EPB41: variants seen among roughly 807,000 people sequenced by gnomAD.
EPB41 encodes the protein erythrocyte membrane protein band 4.1, also known as protein 4.1.
Under a neutral mutation model 108.0 loss-of-function variants are expected in EPB41, and 65 were observed. That is an observed-to-expected ratio of 0.60 (90% CI 0.49 to 0.74). The LOEUF is 0.74. Ranked by LOEUF, EPB41 falls within the 30% of genes least tolerant of loss-of-function variation. The pLI is 0.00. For missense variants in EPB41, 875 were observed against 1,037.0 expected, an observed-to-expected ratio of 0.84 and a Z score of 2.15; for synonymous variants, 336 against 358.9, an observed-to-expected ratio of 0.94 and a Z score of 0.72.
chr1:29,113,400 G>A (rs1040143767), intron 19 of EPB41, among the ~76,000 whole-genome samples: 1 of 152,250 alleles, frequency 6.6e-6, no homozygotes, highest in Non-Finnish European at 1.5e-5. Flanking sequence ...TGGAGGCAGG[G>A]TTGAGAGTTA....
intron 1 of EPB41, among the ~76,000 whole-genome samples, chr1:28,919,301 C>G (rs935481166): frequency 6.6e-6 from 1 of 152,150 alleles, no homozygotes; most frequent in Non-Finnish European, 1.5e-5. Context: ...CAGTATAATT[C>G]AAGGAGTAGC....
At chr1:29,102,578 A>T (rs910117011) in intron 17 of EPB41, among the ~76,000 whole-genome samples, 4 of 151,678 alleles carry the variant, frequency 2.6e-5, no homozygotes, top group East Asian at 1.9e-4. Context: ...TAGCCAAAAA[A>T]TTTTATTTTA....
chr1:29,082,770 T>G (rs1363505124), intron 16 of EPB41, among the ~76,000 whole-genome samples: 1 of 152,190 alleles, frequency 6.6e-6, no homozygotes, highest in East Asian at 1.9e-4. Flanking sequence ...GAGTGCAGTG[T>G]AAAGGCAAAA....
Position 28,955,677 on chromosome 1 carries a change from G to A in EPB41, c.-7-31754G>A, listed in dbSNP as rs563298351. 6.6e-5 allele frequency among the ~76,000 whole-genome samples: 10 copies of A among 152,064 alleles called. No homozygotes were observed. The East Asian group carries it at 9.7e-4, about 15-fold the overall frequency. On this transcript the variant is annotated intron_variant, in intron 1 of 20. Coordinates refer to ENST00000343067, the MANE Select transcript of EPB41 (RefSeq NM_001376013.1). ...CTATTTTTCTACTTGACTGTCCTCC[G>A]TTTACTGAGTGGGTATAGGTGGGAA...
chr1:29,101,731 C>G (rs1665479580), intron 17 of EPB41, among the ~76,000 whole-genome samples: 1 of 151,836 alleles, frequency 6.6e-6, no homozygotes. Flanking sequence ...TCGATACTAA[C>G]AAAGTGGCAT....
intron 1 of EPB41, among the ~76,000 whole-genome samples, chr1:28,944,246 A>G (rs1472621928): frequency 6.6e-6 from 1 of 152,154 alleles, no homozygotes; most frequent in African/African-American, 2.4e-5. Flanking sequence ...GAGGAGAGGA[A>G]GATGAGGATG....
chr1:28,984,660 G>GTTT (rs57968199), intron 1 of EPB41, among the ~76,000 whole-genome samples: 1 of 141,700 alleles, frequency 7.1e-6, no homozygotes. Context: ...AAAAACTTAG[G>GTTT]TTTTTTTTTT....
Position 29,035,860 on chromosome 1 carries a change from T to C in EPB41, c.1400T>C (p.Leu467Pro). 2 of 1,614,110 alleles carry C rather than the reference T, an allele frequency of 1.2e-6. No homozygotes were observed. Among genetic ancestry groups the C allele is most frequent in the Non-Finnish European group, 1.7e-6 (2 of 1,179,980 alleles). The change falls in exon 10 of 21, where the codon CTT becomes CCT. Residue 467 changes from leucine to proline, a missense_variant. Around this residue, in one of 3 missense-constraint regions of EPB41, gnomAD observed 519 missense variants for 627.3 expected, o/e 0.83. Coordinates refer to ENST00000343067, the MANE Select transcript of EPB41 (RefSeq NM_001376013.1). ...TATGAAAGTACCATCGGATTCAAAC[T>C]TCCCAGTTACCGAGCAGCTAAGAAA... The part of the protein sequence containing the change: ...EQYESTIGFK[L>P]PSYRAAKKLW...
intron 16 of EPB41, among the ~76,000 whole-genome samples, chr1:29,085,554 C>T (rs1658487032): frequency 6.6e-6 from 1 of 152,108 alleles, no homozygotes; most frequent in Admixed American, 6.6e-5. Context: ...TTCTTTTCCA[C>T]CAGTTATACA....
At chr1:29,001,822 G>A (rs2096298756) in intron 4 of EPB41, among the ~76,000 whole-genome samples, 1 of 152,094 alleles carries the variant, frequency 6.6e-6, no homozygotes, top group South Asian at 2.1e-4. Flanking sequence ...ACGAAGTTGA[G>A]AGTTTACAAT....
chr1:29,023,231 G>T (rs2096669801), intron 7 of EPB41, among the ~76,000 whole-genome samples: 1 of 151,752 alleles, frequency 6.6e-6, no homozygotes, highest in South Asian at 2.1e-4. Context: ...CTGACCTCAG[G>T]TGATCTGCCT....
chr1:29,055,023 G>A (rs1645132744), intron 12 of EPB41, among the ~76,000 whole-genome samples: 1 of 152,052 alleles, frequency 6.6e-6, no homozygotes. Context: ...GAGTGACAGA[G>A]CAAGACTCCG....
chr1:28,905,109 G>C (rs999597171), intron 1 of EPB41, among the ~76,000 whole-genome samples: 8 of 151,574 alleles, frequency 5.3e-5, no homozygotes, highest in Non-Finnish European at 1.0e-4. Context: ...TGAGGCATGA[G>C]ACTAGCTAGA....
intron 1 of EPB41, among the ~76,000 whole-genome samples, chr1:28,905,182 G>C (rs931364293): frequency 6.6e-6 from 1 of 151,376 alleles, no homozygotes; most frequent in East Asian, 2.0e-4. Context: ...CGGGGCGACA[G>C]AGCAAGACTA....
At chr1:29,022,961 A>G (rs1310254568) in intron 7 of EPB41, among the ~76,000 whole-genome samples, 1 of 151,972 alleles carries the variant, frequency 6.6e-6, no homozygotes, top group Non-Finnish European at 1.5e-5. Flanking sequence ...TTCAGAAATT[A>G]TGTTATTTAT....
chr1:28,987,648 G>C lies in EPB41; in HGVS notation c.211G>C (p.Glu71Gln), dbSNP rs758693504. ...PTHEDLTKNK[E>Q]RTSESRGLSR... is the part of the protein sequence containing the mutation. The stretch of plus-strand genomic sequence containing the variant: ...ACATGAAGACTTGACCAAGAACAAG[G>C]AGCGGACATCAGAAAGCAGAGGACT... Residue 71 changes from glutamate to glutamine, a missense_variant, in exon 2 of 21, where the codon GAG becomes CAG. Glu to Gln is a conservative substitution (Grantham distance 29). Coordinates refer to ENST00000343067, the MANE Select transcript of EPB41 (RefSeq NM_001376013.1). 6.2e-7 allele frequency: 1 copy of C among 1,614,182 alleles called. No individual in the cohort carries two copies. Among genetic ancestry groups the C allele is most frequent in the Non-Finnish European group, 8.5e-7 (1 of 1,180,032 alleles).
chr1:28,924,821 G>C (rs1000015671), intron 1 of EPB41, among the ~76,000 whole-genome samples: 2 of 152,096 alleles, frequency 1.3e-5, no homozygotes, highest in Non-Finnish European at 2.9e-5. Context: ...TTCTGGGACA[G>C]GGTCTTGCAC....
chr1:28,980,009 T>C (rs2095699013), intron 1 of EPB41, among the ~76,000 whole-genome samples: 1 of 152,208 alleles, frequency 6.6e-6, no homozygotes, highest in Admixed American at 6.5e-5. Flanking sequence ...TTCAGATGAA[T>C]GGATTGGCCA....
intron 16 of EPB41, among the ~76,000 whole-genome samples, chr1:29,095,955 C>T (rs180871879): frequency 1.3e-4 from 20 of 152,240 alleles, no homozygotes; most frequent in Non-Finnish European, 2.2e-4. Context: ...TAGGACCAAA[C>T]TTAGGTTGGA....
Sources: allele counts gnomAD v4.1 joint callset (sites outside exome capture counted in the v4.1 genomes callset), GRCh38; gene constraint gnomAD v4.1.1; regional missense constraint gnomAD v4.1.1; transcripts MANE v1.5; gene names NCBI Gene and HGNC (gene_info 2026-07-23, HGNC 2026-07-21).